The following IKZF3 variants were observed in gnomAD, a reference collection of about 807,000 sequenced individuals.
The protein encoded by IKZF3 is IKAROS family zinc finger 3.
In IKZF3, 10 loss-of-function variants were observed where a neutral mutation model predicts 49.0. The ratio of observed to expected loss-of-function variants is 0.20; its 90% CI spans 0.13 to 0.35. The LOEUF (loss-of-function observed/expected upper bound fraction) is 0.35, where lower values mean the gene tolerates loss of function less well. Ranked by LOEUF, IKZF3 falls within the 10% of genes least tolerant of loss-of-function variation. The probability of loss-of-function intolerance (pLI) is 1.00; values close to 1 mark genes in which losing one functional copy is unlikely to be tolerated. For missense variants in IKZF3, 498 were observed against 664.8 expected, an observed-to-expected ratio of 0.75 and a Z score of 2.76; for synonymous variants, 209 against 228.2, an observed-to-expected ratio of 0.92 and a Z score of 0.76.
At position 39,760,971 on chromosome 17, in the gene IKZF3, C is replaced by G. The variant is rs977423434; in HGVS notation, c.*4819G>C. 6.6e-6 allele frequency: 1 copy of G among 151,988 alleles called. No individual in the cohort carries two copies. The highest frequency in any genetic ancestry group is 6.6e-5 in the Admixed American group (1 of 15,256). The allele number at this position is 151,988 out of a possible 1,614,324, so 9.4% of individuals were successfully genotyped here. A position where few individuals can be genotyped will look rare whatever the true frequency, so the allele number is the denominator to read the frequency against. ...TTTGAGACTAGCCTGGGCAGTATGG[C>G]GAAACGCCATCTCTGCAGAAAAATA... On this transcript the variant is annotated 3_prime_UTR_variant, in exon 8 of 8. Transcript: ENST00000346872.
At chr17:39,840,461 C>A (rs559592314) in intron 1 of IKZF3, among the ~76,000 whole-genome samples, 73 of 152,168 alleles carry the variant, frequency 4.8e-4, no homozygotes, top group African/African-American at 1.7e-3. Flanking sequence ...CATTCTTATC[C>A]GTGGAAAGGT....
At chr17:39,811,136 T>C (rs2061542330) in intron 3 of IKZF3, among the ~76,000 whole-genome samples, 1 of 151,290 alleles carries the variant, frequency 6.6e-6, no homozygotes, top group South Asian at 2.1e-4. Flanking sequence ...ACTCAGGAGG[T>C]TGAGGTGGAA....
intron 4 of IKZF3, among the ~76,000 whole-genome samples, chr17:39,792,135 G>A (rs1186322596): frequency 6.6e-6 from 1 of 152,044 alleles, no homozygotes; most frequent in Non-Finnish European, 1.5e-5. Context: ...AAGGTGTTGA[G>A]GGCTAGAAAT....
intron 1 of IKZF3, among the ~76,000 whole-genome samples, chr17:39,841,212 C>T (rs577020188): frequency 6.6e-6 from 1 of 151,290 alleles, no homozygotes; most frequent in East Asian, 1.9e-4. Context: ...CATGGAGGGA[C>T]AGACAGCATG....
At chr17:39,858,324 C>A (rs2063125156) in intron 1 of IKZF3, among the ~76,000 whole-genome samples, 1 of 151,946 alleles carries the variant, frequency 6.6e-6, no homozygotes, top group African/African-American at 2.4e-5. Flanking sequence ...GAAAAGTTTC[C>A]TTTGTAAACC....
chr17:39,829,569 A>C lies in IKZF3; in HGVS notation c.62-81T>G. 3 of 926,072 alleles carry C rather than the reference A, an allele frequency of 3.2e-6. No individual in the cohort carries two copies. In the East Asian group the frequency reaches 7.8e-5, roughly 24 times the overall value. 57.4% of individuals were successfully genotyped at this position (926,072 alleles called of 1,614,324 possible). A position where few individuals can be genotyped will look rare whatever the true frequency, so the allele number is the denominator to read the frequency against. Reference sequence around the variant, plus strand: ...ATATATATTAAGTAGACCCCCATTTAACTTTCAGCTTCACACAATCCTTTA... The same window carrying C: ...ATATATATTAAGTAGACCCCCATTTCACTTTCAGCTTCACACAATCCTTTA... On this transcript the variant is annotated intron_variant, in intron 2 of 7. Transcript: ENST00000346872.
At chr17:39,782,424 C>A (rs1324028352) in intron 6 of IKZF3, among the ~76,000 whole-genome samples, 2 of 152,026 alleles carry the variant, frequency 1.3e-5, no homozygotes, top group Non-Finnish European at 2.9e-5. Context: ...CACACACACA[C>A]ACACACATAT....
chr17:39,826,619 T>G (rs1161433146), intron 3 of IKZF3, among the ~76,000 whole-genome samples: 1 of 152,192 alleles, frequency 6.6e-6, no homozygotes, highest in Non-Finnish European at 1.5e-5. Flanking sequence ...GAAATCACTA[T>G]GGGAATTTGA....
At chr17:39,789,396 C>T (rs1441228977) in intron 5 of IKZF3, among the ~76,000 whole-genome samples, 3 of 152,204 alleles carry the variant, frequency 2.0e-5, no homozygotes, top group African/African-American at 7.2e-5. Flanking sequence ...AACCCCATCT[C>T]TACTAAAAAT....
intron 1 of IKZF3, among the ~76,000 whole-genome samples, chr17:39,840,227 T>G (rs1014781780): frequency 6.6e-6 from 1 of 152,186 alleles, no homozygotes; most frequent in Non-Finnish European, 1.5e-5. Flanking sequence ...GCCAGAGAAT[T>G]TATATCCAAA....
chr17:39,806,290 T>A (rs1262712591), intron 3 of IKZF3, among the ~76,000 whole-genome samples: 1 of 152,230 alleles, frequency 6.6e-6, no homozygotes, highest in Admixed American at 6.5e-5. Flanking sequence ...CAAAGATTTC[T>A]TAGATACAGC....
At chr17:39,835,752 G>T in intron 1 of IKZF3, 1 of 513,022 alleles carries the variant, frequency 1.9e-6, no homozygotes, top group South Asian at 1.5e-5. Context: ...GATCTTGTAA[G>T]CTTGCCATCC....
intron 3 of IKZF3, among the ~76,000 whole-genome samples, chr17:39,794,456 T>G (rs145259728): frequency 6.6e-6 from 1 of 152,366 alleles, no homozygotes; most frequent in African/African-American, 2.4e-5. Context: ...GCTTGCTACC[T>G]TCAACCCAAG....
At chr17:39,820,335 AACATAAATATC>A (rs1243107808) in intron 3 of IKZF3, among the ~76,000 whole-genome samples, 2 of 152,374 alleles carry the variant, frequency 1.3e-5, no homozygotes, top group East Asian at 3.9e-4. Flanking sequence ...TAGATTTATC[AACATAAATATC>A]ACTATAAAAT....
At chr17:39,850,635 G>GTATATATACTATATATTATATATA (rs1437793813) in intron 1 of IKZF3, among the ~76,000 whole-genome samples, 1 of 1,964 alleles carries the variant, frequency 5.1e-4, no homozygotes, top group African/African-American at 1.0e-3. Flanking sequence ...ATAATATATA[G>GTATATATACTATATATTATATATA]CATAAATAAC....
chr17:39,836,196 C>A, intron 1 of IKZF3: 1 of 660,998 alleles, frequency 1.5e-6, no homozygotes, highest in Non-Finnish European at 2.8e-6. Context: ...TCTGGTTGAC[C>A]ATGATGGCTG....
At position 39,763,757 on chromosome 17, in the gene IKZF3, T is replaced by C. The variant is rs1471697644; in HGVS notation, c.*2033A>G. ...ACCTTGTGGTTACTGCATAATCACA[T>C]ATGAATTAAAGCTAGAAGGGACCTA... On this transcript the variant is annotated 3_prime_UTR_variant, in exon 8 of 8. Transcript: ENST00000346872. The C allele has an allele frequency of 6.6e-6, 1 of 152,236 alleles. No homozygotes were observed. Among genetic ancestry groups the C allele is most frequent in the East Asian group, 1.9e-4 (1 of 5,196 alleles). 9.4% of individuals were successfully genotyped at this position (152,236 alleles called of 1,614,324 possible).
At chr17:39,786,956 A>G (rs554281037) in intron 6 of IKZF3, among the ~76,000 whole-genome samples, 104 of 151,896 alleles carry the variant, frequency 6.8e-4, no homozygotes, top group Non-Finnish European at 1.3e-3. Context: ...GGTTTTATCT[A>G]AAATAAAAGT....
intron 7 of IKZF3, among the ~76,000 whole-genome samples, chr17:39,767,067 C>G (rs1442550098): frequency 6.6e-6 from 1 of 152,056 alleles, no homozygotes; most frequent in Admixed American, 6.6e-5. Context: ...ACTGGCTACT[C>G]CCCAAACTCA....
Sources: gnomAD v4.1 joint callset for allele counts (sites outside exome capture counted in the v4.1 genomes callset) on GRCh38, gnomAD v4.1.1 for gene constraint, MANE v1.5 for transcripts, NCBI Gene and HGNC (gene_info 2026-07-23, HGNC 2026-07-21) for gene names.